The following UNC13B variants were observed in gnomAD, a reference collection of about 807,000 sequenced individuals.
The protein encoded by UNC13B is protein unc-13 homolog B.
In UNC13B, 144 loss-of-function variants were observed where a neutral mutation model predicts 211.0. The observed-to-expected ratio is 0.68, with a 90% CI of 0.60 to 0.78. The LOEUF (loss-of-function observed/expected upper bound fraction) is 0.78. Ranked by LOEUF, UNC13B falls within the 30% of genes least tolerant of loss-of-function variation. The pLI, the probability that UNC13B is intolerant of heterozygous loss-of-function variation, is 0.00. For missense variants in UNC13B, 1,777 were observed against 2,002.0 expected (o/e 0.89, Z 2.14); for synonymous variants, 709 against 725.8 (o/e 0.98, Z 0.37).
At chr9:35,177,908 T>A (rs142572268) in intron 1 of UNC13B, among the ~76,000 whole-genome samples, 2 of 152,342 alleles carry the variant, frequency 1.3e-5, no homozygotes, top group African/African-American at 4.8e-5. Flanking sequence ...AAGTCAAGTT[T>A]TCCATTATGG....
At chr9:35,333,722 A>C (rs1831494081) in intron 11 of UNC13B, among the ~76,000 whole-genome samples, 1 of 152,198 alleles carries the variant, frequency 6.6e-6, no homozygotes, top group Admixed American at 6.5e-5. Flanking sequence ...AATGCTGGAA[A>C]TATTTCCCTC....
At chr9:35,361,531 A>G (rs1833411563) in intron 11 of UNC13B, 1 of 152,162 alleles carries the variant, frequency 6.6e-6, no homozygotes, top group Non-Finnish European at 1.5e-5. Context: ...TGAAAGTTAT[A>G]GTTTTCTTTT....
At chr9:35,398,461 TG>T in intron 31 of UNC13B, 92 bp from the exon 32 acceptor site, 1 of 1,417,350 alleles carries the variant, frequency 7.1e-7, no homozygotes, top group Non-Finnish European at 9.9e-7. Context: ...GAATAGGCAC[TG>T]GGGTAAGCCC....
intron 1 of UNC13B, among the ~76,000 whole-genome samples, chr9:35,202,432 T>A (rs1016551402): frequency 1.3e-5 from 2 of 152,220 alleles, no homozygotes; most frequent in African/African-American, 4.8e-5. Context: ...TTGAGCTGTC[T>A]AACGTTGACA....
chr9:35,206,311 TTG>T, intron 1 of UNC13B, among the ~76,000 whole-genome samples: 2 of 152,328 alleles, frequency 1.3e-5, no homozygotes, highest in South Asian at 4.1e-4. Context: ...CATGCAATTA[TTG>T]TGTCTCTCTA....
intron 24 of UNC13B, 149 bp downstream of exon 24, chr9:35,386,442 A>G (rs1440110948): frequency 9.3e-7 from 1 of 1,073,434 alleles, no homozygotes; most frequent in Non-Finnish European, 1.3e-6. Context: ...CATGTGGACC[A>G]TGTGAGATAT....
intron 11 of UNC13B, among the ~76,000 whole-genome samples, chr9:35,344,690 G>A (rs990342859): frequency 6.6e-6 from 1 of 152,158 alleles, no homozygotes; most frequent in African/African-American, 2.4e-5. Flanking sequence ...GTCAAGGGTA[G>A]TAGGGCTTTT....
At chr9:35,219,162 A>T (rs140514760) in intron 1 of UNC13B, among the ~76,000 whole-genome samples, 15 of 152,266 alleles carry the variant, frequency 9.9e-5, no homozygotes, top group Non-Finnish European at 1.9e-4. Flanking sequence ...GAACAAATAT[A>T]TTTAGTGTGT....
At chr9:35,369,552 G>T (rs1326888801) in intron 12 of UNC13B, among the ~76,000 whole-genome samples, 1 of 152,178 alleles carries the variant, frequency 6.6e-6, no homozygotes, top group Non-Finnish European at 1.5e-5. Context: ...TATAGAAAAG[G>T]TGTAAAAGTT....
At position 35,397,024 on chromosome 9, in the gene UNC13B, A is replaced by G. The variant is rs141520950; in HGVS notation, c.11532+87A>G. On this transcript the variant is annotated intron_variant, in intron 28 of 39. Coordinates refer to ENST00000635942, the MANE Select transcript of UNC13B (RefSeq NM_001371189.2). Reference sequence around the variant, plus strand: ...CAGAAGTTCCTGGGCTTTGGCCAGGATGGCTATGCCTGCCCTGTGGAGTTC... The same window carrying G: ...CAGAAGTTCCTGGGCTTTGGCCAGGGTGGCTATGCCTGCCCTGTGGAGTTC... The G allele has an allele frequency of 4.4e-4, 700 of 1,604,064 alleles. 1 individual carries two copies. The African/African-American group carries it at 7.8e-3, about 18-fold the overall frequency.
At chr9:35,178,842 C>T (rs1013625683) in intron 1 of UNC13B, among the ~76,000 whole-genome samples, 51 of 136,392 alleles carry the variant, frequency 3.7e-4, no homozygotes, top group Admixed American at 1.2e-3. Context: ...GAGCTGAGAT[C>T]GCACCACTGC....
At chr9:35,231,996 T>C (rs1232265907) in intron 3 of UNC13B, among the ~76,000 whole-genome samples, 1 of 151,774 alleles carries the variant, frequency 6.6e-6, no homozygotes, top group Non-Finnish European at 1.5e-5. Context: ...TTGTTTTTTC[T>C]GGGAGTTGGA....
In UNC13B at chr9:35,190,590, T is replaced by C. The variant is rs142264376; in HGVS notation, c.22+28285T>C. Among the ~76,000 whole-genome samples, 5 of 152,170 alleles carry C rather than the reference T, an allele frequency of 3.3e-5. No individual in the cohort carries two copies. In the East Asian group the frequency reaches 9.7e-4, roughly 29 times the overall value. ...AACAGGGTCTGTAGTGCCTCCTCTG[T>C]TTTTCCCAAGGAGTCCCCGGCTACC... is the stretch of plus-strand genomic sequence containing the variant. On this transcript the variant is annotated intron_variant, in intron 1 of 39. Coordinates refer to ENST00000635942, the MANE Select transcript of UNC13B (RefSeq NM_001371189.2).
rs188562919 is a variant in UNC13B at position 35,302,499 on chromosome 9, A to G, written c.3095A>G (p.Asn1032Ser). The change falls in exon 9 of 40, where the codon AAT becomes AGT. Residue 1032 changes from asparagine (N) to serine (S), a missense_variant. Transcript: ENST00000635942. The part of the protein sequence containing the change: ...TEEFNQNDQI[N>S]SPEDAKFNII... ...GAATTTAATCAGAATGACCAAATAA[A>G]TAGTCCTGAAGATGCCAAATTTAAT... 2.5e-6 allele frequency: 1 copy of G among 398,714 alleles called. No individual in the cohort carries two copies. The highest frequency in any genetic ancestry group is 2.1e-5 in the African/African-American group (1 of 48,748). 24.7% of individuals were successfully genotyped at this position (398,714 alleles called of 1,614,324 possible). A position where few individuals can be genotyped will look rare whatever the true frequency, so the allele number is the denominator to read the frequency against.
At chr9:35,214,127 A>T (rs1824124350) in intron 1 of UNC13B, among the ~76,000 whole-genome samples, 2 of 152,184 alleles carry the variant, frequency 1.3e-5, no homozygotes, top group Admixed American at 1.3e-4. Context: ...AAGGGATACT[A>T]TATTTAGAAA....
intron 11 of UNC13B, chr9:35,352,851 C>T (rs1832804213): frequency 8.1e-7 from 1 of 1,232,110 alleles, no homozygotes; most frequent in African/African-American, 1.6e-5. Context: ...TCTGGGAAGT[C>T]CCAGTTTTTC....
intron 8 of UNC13B, among the ~76,000 whole-genome samples, chr9:35,297,199 G>A (rs922088291): frequency 1.3e-5 from 2 of 148,498 alleles, no homozygotes; most frequent in African/African-American, 2.5e-5. Context: ...AGTGATTCTC[G>A]TGCCTCAGCC....
At position 35,400,398 on chromosome 9, in the gene UNC13B, A is replaced by G; in HGVS notation, c.12439A>G (p.Thr4147Ala). ...RYALSLYTQT[T>A]DTLIKTFVRS... The stretch of plus-strand genomic sequence containing the variant: ...TGCCCTGTCTCTGTACACACAGACT[A>G]CTGACACTCTCATCAAGACCTTTGT... Residue 4147 changes from threonine to alanine, a missense_variant, in exon 37 of 40, where the codon ACT becomes GCT. Transcript: ENST00000635942. The G allele has an allele frequency of 1.9e-6, 3 of 1,614,064 alleles. No homozygotes were observed. The highest frequency in any genetic ancestry group is 2.5e-6 in the Non-Finnish European group (3 of 1,179,956).
chr9:35,262,264 C>CTTTCCT (rs1052614106), intron 7 of UNC13B, among the ~76,000 whole-genome samples: 14 of 149,282 alleles, frequency 9.4e-5, no homozygotes, highest in African/African-American at 3.2e-4. Flanking sequence ...CCTTCCTTTC[C>CTTTCCT]TTTCCTTTTC....
Sources: gnomAD v4.1 joint callset for allele counts (sites outside exome capture counted in the v4.1 genomes callset) on GRCh38, gnomAD v4.1.1 for gene constraint, MANE v1.5 for transcripts, NCBI Gene and HGNC (gene_info 2026-07-23, HGNC 2026-07-21) for gene names.